The following DNAH3 variants were observed in gnomAD, a reference collection of about 807,000 sequenced individuals.
The protein encoded by DNAH3 is dynein axonemal heavy chain 3.
Under a neutral mutation model 432.5 loss-of-function variants are expected in DNAH3, and 332 were observed. That is an observed-to-expected ratio of 0.77 (90% CI 0.70 to 0.84). The LOEUF (loss-of-function observed/expected upper bound fraction) is 0.84. DNAH3 is among the 40% of genes least tolerant of loss of function. The pLI is 0.00. For synonymous variants in DNAH3, 1,956 were observed against 1,900.2 expected (o/e 1.03, Z -0.76); for missense variants, 4,861 against 5,114.0 (o/e 0.95, Z 1.51).
In DNAH3 at chr16:21,145,411, G is replaced by T. The variant is rs558092853; in HGVS notation, c.223-5C>A. The T allele has an allele frequency of 6.2e-7, 1 of 1,611,596 alleles. No homozygotes were observed. The highest frequency in any genetic ancestry group is 8.5e-7 in the Non-Finnish European group (1 of 1,178,052). On this transcript the variant is annotated splice_polypyrimidine_tract_variant and splice_region_variant and intron_variant, in intron 2 of 61. Transcript: ENST00000261383. Reference sequence around the variant, plus strand: ...AAAGCTGTGTGACATGACAGTCTACGAGGTAAGAAGTGCAGAGTGAGACAC... The same window carrying T: ...AAAGCTGTGTGACATGACAGTCTACTAGGTAAGAAGTGCAGAGTGAGACAC...
intron 52 of DNAH3, among the ~76,000 whole-genome samples, chr16:20,968,171 C>T (rs1303712382): frequency 6.6e-6 from 1 of 152,154 alleles, no homozygotes; most frequent in African/African-American, 2.4e-5. Flanking sequence ...CAGGCTCAAG[C>T]GTTCCTCTCT....
chr16:20,979,419 T>A, exon 50 of DNAH3: 1 of 1,614,170 alleles, frequency 6.2e-7, no homozygotes, highest in African/African-American at 1.3e-5. Context: ...TTCAGGAGCG[T>A]CTTGAAGGTT....
chr16:21,102,411 T>C (rs1240448453), intron 16 of DNAH3, among the ~76,000 whole-genome samples: 1 of 152,206 alleles, frequency 6.6e-6, no homozygotes, highest in African/African-American at 2.4e-5. Context: ...GCCTTGGAAG[T>C]TGAGAAGCGT....
exon 36 of DNAH3, chr16:21,034,075 A>G: frequency 6.2e-7 from 1 of 1,610,116 alleles, no homozygotes; most frequent in South Asian, 1.1e-5. Context: ...CACCAGCATC[A>G]TTTCGTAGAT....
At chr16:21,077,860 T>C (rs1258421547) in intron 20 of DNAH3, among the ~76,000 whole-genome samples, 1 of 152,132 alleles carries the variant, frequency 6.6e-6, no homozygotes, top group Admixed American at 6.5e-5. Flanking sequence ...ATGTCCAAAA[T>C]CACAGAGCCA....
In DNAH3 at chr16:21,136,519, A is replaced by G; in HGVS notation, c.697-6T>C. 1 of 1,613,858 alleles carries G rather than the reference A, an allele frequency of 6.2e-7. No homozygotes were observed. The highest frequency in any genetic ancestry group is 8.5e-7 in the Non-Finnish European group (1 of 1,179,756). ...GTCAGATAGTAATAGTATCTCTTCCATAAACAAACCACCAGCGAGAAAATG... is the reference window on the plus strand; with the variant it reads ...GTCAGATAGTAATAGTATCTCTTCCGTAAACAAACCACCAGCGAGAAAATG... On this transcript the variant is annotated splice_polypyrimidine_tract_variant and splice_region_variant and intron_variant, in intron 5 of 61. Coordinates refer to ENST00000261383, the Ensembl canonical transcript of DNAH3.
At chr16:21,026,578 G>A (rs2088567672) in intron 38 of DNAH3, among the ~76,000 whole-genome samples, 1 of 151,512 alleles carries the variant, frequency 6.6e-6, no homozygotes, top group Non-Finnish European at 1.5e-5. Context: ...GCGTGTGCTT[G>A]TAGTCCCAGT....
At chr16:21,151,029 C>CAT (rs1410272287) in intron 1 of DNAH3, among the ~76,000 whole-genome samples, 183 bp from the exon 1 acceptor site, 2 of 152,212 alleles carry the variant, frequency 1.3e-5, no homozygotes, top group Non-Finnish European at 2.9e-5. Context: ...CCAGGAATAA[C>CAT]AGAGGCAACA....
At position 21,120,957 on chromosome 16, in the gene DNAH3, C is replaced by T. The variant is rs919000457; in HGVS notation, c.1585-103G>A. 4.7e-6 allele frequency: 4 copies of T among 843,830 alleles called. No homozygotes were observed. The African/African-American group carries it at 6.7e-5, about 14-fold the overall frequency. The allele number at this position is 843,830 out of a possible 1,614,324, so 52.3% of individuals were successfully genotyped here. On this transcript the variant is annotated intron_variant, in intron 10 of 61. Transcript: ENST00000261383. ...CTGCCCAGTGTTTCTTCTCCTCCCA[C>T]ACACCCAGTTTTAATGGAGTACTTA...
At chr16:21,100,055 A>T (rs781108189) in intron 16 of DNAH3, among the ~76,000 whole-genome samples, 3 of 152,148 alleles carry the variant, frequency 2.0e-5, no homozygotes, top group Non-Finnish European at 4.4e-5. Flanking sequence ...TTTCTTAAAC[A>T]TGATTTAGAG....
At chr16:21,126,248 T>C (rs554925720) in intron 8 of DNAH3, among the ~76,000 whole-genome samples, 13 of 152,192 alleles carry the variant, frequency 8.5e-5, no homozygotes, top group Non-Finnish European at 1.6e-4. Flanking sequence ...CAGTTTCTAA[T>C]TCCCAGTGGA....
At chr16:21,014,909 T>C (rs1311549159) in intron 41 of DNAH3, among the ~76,000 whole-genome samples, 2 of 148,034 alleles carry the variant, frequency 1.4e-5, no homozygotes, top group African/African-American at 2.5e-5. Context: ...TGAGGAAAAC[T>C]ATAAAACTCT....
rs368544764 is a variant in DNAH3 at position 20,998,837 on chromosome 16, G to A, written c.6422-1375C>T. On this transcript the variant is annotated intron_variant, in intron 43 of 61. Coordinates refer to ENST00000261383, the Ensembl canonical transcript of DNAH3. The stretch of plus-strand genomic sequence containing the variant: ...CAGTTTGTGTGGGGTAACATTTTAG[G>A]AGCTTTATATACATTATCTCATATA... 2.0e-3 allele frequency among the ~76,000 whole-genome samples: 302 copies of A among 151,828 alleles called. 7 individuals carry two copies. The South Asian group carries it at 0.06, about 30-fold the overall frequency.
chr16:21,066,883 C>T (rs775287120), intron 24 of DNAH3, among the ~76,000 whole-genome samples: 1 of 152,106 alleles, frequency 6.6e-6, no homozygotes, highest in Admixed American at 6.6e-5. Flanking sequence ...GAAGTAGGGG[C>T]CATTATTATA....
intron 13 of DNAH3, 26 bp downstream of exon 13, chr16:21,111,967 A>G (rs771247414): frequency 1.3e-6 from 2 of 1,592,718 alleles, no homozygotes; most frequent in Non-Finnish European, 8.6e-7. Flanking sequence ...TCACCAAGGT[A>G]TAAAATCTCA....
At chr16:20,935,575 T>C (rs761387992) in intron 60 of DNAH3, 90 bp from the exon 61 acceptor site, 21 of 1,428,392 alleles carry the variant, frequency 1.5e-5, no homozygotes, top group East Asian at 1.3e-4. Context: ...ATATAAAATA[T>C]GTTTTTTCAT....
chr16:21,145,470 G>T, intron 2 of DNAH3, 64 bp from the exon 4 acceptor site: 1 of 1,414,660 alleles, frequency 7.1e-7, no homozygotes, highest in Non-Finnish European at 1.0e-6. Flanking sequence ...CCTGAGCTCT[G>T]CTCACACTGA....
chr16:20,943,184 G>A (rs1596879905), intron 58 of DNAH3, among the ~76,000 whole-genome samples: 1 of 151,878 alleles, frequency 6.6e-6, no homozygotes, highest in East Asian at 1.9e-4. Context: ...AGAATCAAGC[G>A]ATCCTCCCAC....
exon 53 of DNAH3, chr16:20,964,730 G>A (rs201833802): frequency 3.1e-5 from 50 of 1,614,002 alleles, no homozygotes; most frequent in Admixed American, 1.3e-4. Context: ...TGCCAGGCAC[G>A]GATTTTTATG....
Sources: gnomAD v4.1 joint callset for allele counts (sites outside exome capture counted in the v4.1 genomes callset) on GRCh38, gnomAD v4.1.1 for gene constraint, MANE v1.5 for transcripts, NCBI Gene and HGNC (gene_info 2026-07-23, HGNC 2026-07-21) for gene names.